Variants in CSMD3 observed in about 807,000 individuals in gnomAD.
CSMD3 encodes CUB and Sushi multiple domains 3, also known as CUB and sushi domain-containing protein 3.
A neutral mutation model predicts 435.2 loss-of-function variants in CSMD3; 177 were observed. The ratio of observed to expected loss-of-function variants is 0.41; its 90% CI spans 0.36 to 0.46. CSMD3 has a LOEUF of 0.46. Among genes scored for constraint, CSMD3 ranks in the 20% least tolerant of loss-of-function variants. The pLI is 0.34. For synonymous variants in CSMD3, 1,656 were observed against 1,520.5 expected (o/e 1.09, Z -2.07); for missense variants, 4,265 against 4,504.6 (o/e 0.95, Z 1.52).
intron 1 of CSMD3, among the ~76,000 whole-genome samples, chr8:113,427,580 GTCATT>G (rs1017094297): frequency 6.6e-6 from 1 of 151,338 alleles, no homozygotes; most frequent in Non-Finnish European, 1.5e-5. Flanking sequence ...AGCTTGGCAA[GTCATT>G]TCATTTCTCT....
chr8:112,509,713 T>A (rs971821542), intron 28 of CSMD3, among the ~76,000 whole-genome samples: 1 of 152,154 alleles, frequency 6.6e-6, no homozygotes, highest in African/African-American at 2.4e-5. Context: ...CATCTCCTTA[T>A]AACTTTGGTG....
At chr8:112,882,312 A>T (rs1214642750) in intron 10 of CSMD3, among the ~76,000 whole-genome samples, 5 of 152,042 alleles carry the variant, frequency 3.3e-5, no homozygotes, top group African/African-American at 1.2e-4. Flanking sequence ...ATGTAAATTA[A>T]CAGCTTCTCT....
At chr8:112,491,790 T>A (rs561081533) in intron 31 of CSMD3, among the ~76,000 whole-genome samples, 1 of 152,338 alleles carries the variant, frequency 6.6e-6, no homozygotes, top group African/African-American at 2.4e-5. Context: ...ATGAATTGAT[T>A]TTATGATTCA....
chr8:112,398,208 T>A (rs982261322), intron 35 of CSMD3, among the ~76,000 whole-genome samples: 6 of 152,166 alleles, frequency 3.9e-5, no homozygotes, highest in African/African-American at 1.4e-4. Flanking sequence ...GGGCCTATGG[T>A]CTCACCTCCT....
intron 32 of CSMD3, among the ~76,000 whole-genome samples, chr8:112,429,843 T>G (rs1243526941): frequency 6.6e-6 from 1 of 152,000 alleles, no homozygotes; most frequent in Admixed American, 6.6e-5. Flanking sequence ...ATTTTTTTTC[T>G]TTTTTTAATA....
At chr8:112,402,394 A>G (rs569484897) in intron 35 of CSMD3, among the ~76,000 whole-genome samples, 2 of 152,308 alleles carry the variant, frequency 1.3e-5, no homozygotes, top group South Asian at 4.1e-4. Context: ...AGAACCTTTA[A>G]GGATTAATTC....
chr8:112,914,950 G>A (rs1395458136), intron 10 of CSMD3, among the ~76,000 whole-genome samples: 1 of 151,876 alleles, frequency 6.6e-6, no homozygotes, highest in Non-Finnish European at 1.5e-5. Context: ...AACTTTTTAT[G>A]TGATCAGAAT....
intron 3 of CSMD3, among the ~76,000 whole-genome samples, chr8:113,201,995 T>C (rs1427140273): frequency 6.6e-6 from 1 of 152,088 alleles, no homozygotes; most frequent in Non-Finnish European, 1.5e-5. Context: ...CATGTTCTGT[T>C]ACTAAAACAG....
At chr8:112,999,102 T>G (rs1448888977) in intron 6 of CSMD3, among the ~76,000 whole-genome samples, 1 of 151,930 alleles carries the variant, frequency 6.6e-6, no homozygotes, top group African/African-American at 2.4e-5. Context: ...ATGCCTGGAC[T>G]CCTCTACTCA....
rs551371908 is a variant in CSMD3, at chr8:112,699,428, G to A, written c.1973-9378C>T. 1.6e-4 allele frequency among the ~76,000 whole-genome samples: 24 copies of A among 152,222 alleles called. No homozygotes were observed. The East Asian group carries it at 2.9e-3, about 18-fold the overall frequency. On this transcript the variant is annotated intron_variant, in intron 13 of 70. Transcript: ENST00000297405. The stretch of plus-strand genomic sequence containing the variant: ...GAACCCACCGGAAGGAACCAATTCC[G>A]AACACAGAGGGACAGTTAATAAATA...
intron 49 of CSMD3, among the ~76,000 whole-genome samples, chr8:112,311,415 A>G (rs1030085368): frequency 2.0e-5 from 3 of 152,194 alleles, no homozygotes; most frequent in African/African-American, 7.2e-5. Context: ...TGTCTTCTGA[A>G]TTGAAATGTA....
At chr8:112,681,185 C>T (rs1211334703) in intron 16 of CSMD3, among the ~76,000 whole-genome samples, 1 of 151,554 alleles carries the variant, frequency 6.6e-6, no homozygotes, top group Non-Finnish European at 1.5e-5. Context: ...CAGGCATGTG[C>T]CACCACACCC....
At chr8:113,129,473 G>C (rs1195986627) in intron 4 of CSMD3, among the ~76,000 whole-genome samples, 1 of 152,102 alleles carries the variant, frequency 6.6e-6, no homozygotes, top group East Asian at 1.9e-4. Flanking sequence ...AGGAAATTTA[G>C]TTCACCTTAT....
chr8:113,383,382 C>G (rs1242397376), intron 1 of CSMD3, among the ~76,000 whole-genome samples: 2 of 152,136 alleles, frequency 1.3e-5, no homozygotes, highest in Non-Finnish European at 2.9e-5. Flanking sequence ...CATATTTCTA[C>G]TAACATAGTC....
chr8:112,939,756 G>A (rs2083393097), intron 9 of CSMD3, among the ~76,000 whole-genome samples: 1 of 151,974 alleles, frequency 6.6e-6, no homozygotes. Flanking sequence ...GAAAAAGTGA[G>A]TTTTGAAGTG....
At chr8:113,202,607 ATATTATCTGCATTCTC>A (rs2092726336) in intron 3 of CSMD3, among the ~76,000 whole-genome samples, 1 of 152,120 alleles carries the variant, frequency 6.6e-6, no homozygotes, top group African/African-American at 2.4e-5. Flanking sequence ...CCAAAAAGCA[ATATTATCTGCATTCTC>A]AAAGAACTTG....
chr8:113,229,472 C>G (rs1302384412), intron 3 of CSMD3, among the ~76,000 whole-genome samples: 1 of 150,934 alleles, frequency 6.6e-6, no homozygotes, highest in Non-Finnish European at 1.5e-5. Flanking sequence ...AAGTCTCTTT[C>G]ACACCTTTGC....
intron 10 of CSMD3, among the ~76,000 whole-genome samples, chr8:112,913,702 C>T (rs1347313385): frequency 6.6e-6 from 1 of 150,966 alleles, no homozygotes; most frequent in African/African-American, 2.4e-5. Flanking sequence ...CTCCTTCTTT[C>T]TCTCTCCCTC....
At chr8:112,415,176 G>C (rs1363118624) in intron 32 of CSMD3, among the ~76,000 whole-genome samples, 6 of 152,212 alleles carry the variant, frequency 3.9e-5, no homozygotes, top group Non-Finnish European at 8.8e-5. Context: ...CAAAGGCTTA[G>C]GAGGGAAAAA....
Sources: allele counts gnomAD v4.1 joint callset (sites outside exome capture counted in the v4.1 genomes callset), GRCh38; gene constraint gnomAD v4.1.1; transcripts MANE v1.5; gene names NCBI Gene and HGNC (gene_info 2026-07-23, HGNC 2026-07-21).